The following DNAJC3 variants were observed in gnomAD, a reference collection of about 807,000 sequenced individuals.
DNAJC3 encodes the protein dnaJ homolog subfamily C member 3.
A neutral mutation model predicts 68.6 loss-of-function variants in DNAJC3; 38 were observed. That is an observed-to-expected ratio of 0.55 (90% CI 0.43 to 0.73). DNAJC3 has a LOEUF of 0.73. Among genes scored for constraint, DNAJC3 ranks in the 30% least tolerant of loss-of-function variants. The pLI is 0.00. For missense variants in DNAJC3, 526 were observed against 591.9 expected, an observed-to-expected ratio of 0.89 and a Z score of 1.16; for synonymous variants, 203 against 204.0, an observed-to-expected ratio of 1.00 and a Z score of 0.04.
At chr13:95,754,778 C>T (rs1481422899) in intron 4 of DNAJC3, among the ~76,000 whole-genome samples, 1 of 152,106 alleles carries the variant, frequency 6.6e-6, no homozygotes. Flanking sequence ...CACTGGGGGC[C>T]ATCTTAGAAG....
At chr13:95,783,158 A>T (rs1322887136) in intron 9 of DNAJC3, among the ~76,000 whole-genome samples, 2 of 152,108 alleles carry the variant, frequency 1.3e-5, no homozygotes, top group Non-Finnish European at 2.9e-5. Context: ...GGAGTCTGAG[A>T]AAGTATAACT....
chr13:95,699,724 T>C (rs1170464248), intron 1 of DNAJC3, among the ~76,000 whole-genome samples: 2 of 152,234 alleles, frequency 1.3e-5, no homozygotes, highest in Non-Finnish European at 1.5e-5. Flanking sequence ...TGGGGTTGTT[T>C]TGATGATTTA....
intron 4 of DNAJC3, among the ~76,000 whole-genome samples, chr13:95,733,820 C>A (rs1157893220): frequency 6.6e-6 from 1 of 150,418 alleles, no homozygotes; most frequent in Non-Finnish European, 1.5e-5. Context: ...TGTCTTCTGT[C>A]CCTTTACTTT....
chr13:95,691,589 G>A (rs1880263501), intron 1 of DNAJC3, among the ~76,000 whole-genome samples: 1 of 151,474 alleles, frequency 6.6e-6, no homozygotes. Context: ...CCAGGCAGAG[G>A]GGCTCCTCAC....
rs144834445 is a variant in DNAJC3 at position 95,768,025 on chromosome 13, T to C, written c.1075+4072T>C. Reference sequence around the variant, plus strand: ...CAGCTGGTCAACATTTTAGATTTTCTGTTTTTTCAATAGTAGCCATCTTAA... The same window carrying C: ...CAGCTGGTCAACATTTTAGATTTTCCGTTTTTTCAATAGTAGCCATCTTAA... On this transcript the variant is annotated intron_variant, in intron 9 of 11. Transcript: ENST00000602402. Among the ~76,000 whole-genome samples, 1,114 of 152,166 alleles carry C rather than the reference T, an allele frequency of 7.3e-3. 21 individuals are homozygous for C. Among genetic ancestry groups the C allele is most frequent in the Non-Finnish European group, 6.0e-3 (411 of 67,962 alleles).
In DNAJC3 at chr13:95,709,217, T is replaced by G; in HGVS notation, c.83-10T>G. The G allele has an allele frequency of 6.7e-7, 1 of 1,501,960 alleles. No homozygotes were observed. The highest frequency in any genetic ancestry group is 2.5e-5 in the East Asian group (1 of 40,780). 93.0% of individuals were successfully genotyped at this position (1,501,960 alleles called of 1,614,324 possible). A position where few individuals can be genotyped will look rare whatever the true frequency, so the allele number is the denominator to read the frequency against. On this transcript the variant is annotated splice_polypyrimidine_tract_variant and intron_variant, in intron 1 of 11. Transcript: ENST00000602402. Reference sequence around the variant, plus strand: ...GAAAGTTAACTGATTGTTTTTAATTTTATTTTTAGGTGCTGAATGTGGAGT... The same window carrying G: ...GAAAGTTAACTGATTGTTTTTAATTGTATTTTTAGGTGCTGAATGTGGAGT...
rs75256567 is a variant in DNAJC3 at position 95,773,157 on chromosome 13, T to G, written c.1075+9204T>G. Among the ~76,000 whole-genome samples, 1,501 of 150,542 alleles carry G rather than the reference T, an allele frequency of 1.0e-2. 29 individuals carry two copies. Among genetic ancestry groups the G allele is most frequent in the African/African-American group, 0.033 (1,349 of 40,774 alleles). On this transcript the variant is annotated intron_variant, in intron 9 of 11. Coordinates refer to ENST00000602402, the MANE Select transcript of DNAJC3 (RefSeq NM_006260.5). ...GATGGTTTTTGACAAATTTAGTTTT[T>G]TTTTTTTTTTTCATTTTGTTTTTGC...
chr13:95,691,046 G>A (rs1389138479), intron 1 of DNAJC3, among the ~76,000 whole-genome samples: 6 of 143,062 alleles, frequency 4.2e-5, no homozygotes, highest in Non-Finnish European at 9.1e-5. Context: ...CCTGGATGGA[G>A]CGGCTGGCCG....
chr13:95,782,990 ATAAGGTG>A (rs1883496975), intron 9 of DNAJC3, among the ~76,000 whole-genome samples: 1 of 152,198 alleles, frequency 6.6e-6, no homozygotes, highest in South Asian at 2.1e-4. Flanking sequence ...TAATTTTTGT[ATAAGGTG>A]TAAGGAAGGG....
intron 4 of DNAJC3, among the ~76,000 whole-genome samples, chr13:95,725,657 CT>C (rs58829512): frequency 0.032 from 4,665 of 144,352 alleles, 252 homozygotes; most frequent in African/African-American, 0.11. Flanking sequence ...GAAACAGATT[CT>C]TTTTTTTTTT....
chr13:95,784,843 G>A (rs1370295172), intron 9 of DNAJC3, among the ~76,000 whole-genome samples: 1 of 152,070 alleles, frequency 6.6e-6, no homozygotes, highest in Non-Finnish European at 1.5e-5. Flanking sequence ...GCGTGGTGGT[G>A]CGTGCCTGTA....
chr13:95,684,449 G>T (rs1004127270), intron 1 of DNAJC3, among the ~76,000 whole-genome samples: 4 of 152,194 alleles, frequency 2.6e-5, no homozygotes, highest in Admixed American at 1.3e-4. Context: ...CATGAACAAA[G>T]AAATGATGTA....
intron 1 of DNAJC3, among the ~76,000 whole-genome samples, chr13:95,702,342 A>G (rs1366236665): frequency 6.6e-6 from 1 of 152,188 alleles, no homozygotes; most frequent in African/African-American, 2.4e-5. Flanking sequence ...CATCATGCTC[A>G]CCATAAAGGA....
At chr13:95,717,541 G>C (rs1031565378) in intron 2 of DNAJC3, among the ~76,000 whole-genome samples, 1 of 152,134 alleles carries the variant, frequency 6.6e-6, no homozygotes, top group Non-Finnish European at 1.5e-5. Context: ...AACATTTTCC[G>C]TATCTAGATG....
intron 1 of DNAJC3, among the ~76,000 whole-genome samples, chr13:95,687,145 G>A (rs761020750): frequency 2.6e-5 from 4 of 152,068 alleles, no homozygotes; most frequent in African/African-American, 9.7e-5. Context: ...TTTGTAAATG[G>A]GATTGAATTC....
chr13:95,773,178 T>A (rs1883203375), intron 9 of DNAJC3, among the ~76,000 whole-genome samples: 1 of 150,354 alleles, frequency 6.7e-6, no homozygotes, highest in Non-Finnish European at 1.5e-5. Context: ...TCATTTTGTT[T>A]TTGCTTTTTT....
rs1202852041 is a variant in DNAJC3 at position 95,725,641 on chromosome 13, A to AAT, written c.393+389_393+390insAT. On this transcript the variant is annotated intron_variant, in intron 4 of 11. Coordinates refer to ENST00000602402, the MANE Select transcript of DNAJC3 (RefSeq NM_006260.5). ...GAGATCCTTCATTTGATTTGAGAGG[A>AAT]GTAATGAAACAGATTCTTTTTTTTT... 5.3e-5 allele frequency among the ~76,000 whole-genome samples: 8 copies of AAT among 151,804 alleles called. No individual in the cohort carries two copies. The South Asian group carries it at 8.3e-4, about 16-fold the overall frequency.
intron 2 of DNAJC3, among the ~76,000 whole-genome samples, chr13:95,713,175 T>C (rs1160610945): frequency 2.0e-5 from 3 of 152,180 alleles, no homozygotes; most frequent in Non-Finnish European, 4.4e-5. Context: ...TTATTAGCAG[T>C]GTGAGAACGA....
chr13:95,677,249 C>G lies in DNAJC3; in HGVS notation c.-7C>G, dbSNP rs1879778222. The G allele has an allele frequency of 6.2e-7, 1 of 1,602,284 alleles. No homozygotes were observed. Among genetic ancestry groups the G allele is most frequent in the Admixed American group, 1.7e-5 (1 of 59,006 alleles). ...CTTTCCTCCTCTTCACTCGCGAGCC[C>G]TCGGACATGGTGGCCCCCGGCTCCG... On this transcript the variant is annotated 5_prime_UTR_variant, in exon 1 of 12. Transcript: ENST00000602402.
Sources: gnomAD v4.1 joint callset for allele counts (sites outside exome capture counted in the v4.1 genomes callset) on GRCh38, gnomAD v4.1.1 for gene constraint, MANE v1.5 for transcripts, NCBI Gene and HGNC (gene_info 2026-07-23, HGNC 2026-07-21) for gene names.